The following BTBD9 variants were observed in gnomAD, a reference collection of about 807,000 sequenced individuals.
BTBD9 encodes the protein BTB/POZ domain-containing protein 9.
Under a neutral mutation model 64.3 loss-of-function variants are expected in BTBD9, and 49 were observed. The ratio of observed to expected loss-of-function variants is 0.76; its 90% CI spans 0.61 to 0.97. The LOEUF is 0.97. Ranked by LOEUF, BTBD9 falls within the 50% of genes least tolerant of loss-of-function variation. BTBD9 has a pLI of 0.00. For synonymous variants in BTBD9, 260 were observed against 274.7 expected, an observed-to-expected ratio of 0.95 and a Z score of 0.53; for missense variants, 598 against 762.1, an observed-to-expected ratio of 0.78 and a Z score of 2.53.
chr6:38,186,252 T>TTATTAC (rs1167675729), intron 10 of BTBD9, among the ~76,000 whole-genome samples: 1 of 152,168 alleles, frequency 6.6e-6, no homozygotes, highest in Non-Finnish European at 1.5e-5. Context: ...CTACTTCATA[T>TTATTAC]ATGAGGATTA....
At chr6:38,597,526 G>T (rs541250669) in intron 2 of BTBD9, among the ~76,000 whole-genome samples, 2 of 152,248 alleles carry the variant, frequency 1.3e-5, no homozygotes, top group South Asian at 4.1e-4. Flanking sequence ...TCAAACCAAG[G>T]GGTATATGTG....
At chr6:38,608,369 C>T (rs549845761) in intron 1 of BTBD9, among the ~76,000 whole-genome samples, 4 of 152,226 alleles carry the variant, frequency 2.6e-5, no homozygotes, top group East Asian at 3.9e-4. Context: ...TCATGATGAG[C>T]GCAGAGGTTA....
intron 1 of BTBD9, among the ~76,000 whole-genome samples, chr6:38,618,576 A>G (rs1777874432): frequency 6.6e-6 from 1 of 152,044 alleles, no homozygotes; most frequent in Admixed American, 6.6e-5. Context: ...AGGGACCACA[A>G]AACCCCCCAG....
chr6:38,485,052 C>A (rs977880255), intron 6 of BTBD9, among the ~76,000 whole-genome samples: 1 of 152,234 alleles, frequency 6.6e-6, no homozygotes, highest in Non-Finnish European at 1.5e-5. Flanking sequence ...AACCCTACTA[C>A]TGCTTTATCA....
chr6:38,233,658 C>G (rs1225162264), intron 9 of BTBD9, among the ~76,000 whole-genome samples: 1 of 152,154 alleles, frequency 6.6e-6, no homozygotes, highest in Non-Finnish European at 1.5e-5. Context: ...TAACAGGAAG[C>G]AATAGCCCTG....
intron 9 of BTBD9, among the ~76,000 whole-genome samples, chr6:38,202,080 T>A (rs1298181176): frequency 7.1e-6 from 1 of 140,076 alleles, no homozygotes; most frequent in Admixed American, 7.6e-5. Context: ...AATGTCGTTT[T>A]TTTTGTTTTT....
At chr6:38,513,675 TCA>T (rs1368444129) in intron 6 of BTBD9, among the ~76,000 whole-genome samples, 1 of 152,130 alleles carries the variant, frequency 6.6e-6, no homozygotes, top group African/African-American at 2.4e-5. Flanking sequence ...ATAGCTATTT[TCA>T]CAGTCTATTA....
At chr6:38,260,549 G>A (rs145220489) in intron 8 of BTBD9, among the ~76,000 whole-genome samples, 110 of 152,252 alleles carry the variant, frequency 7.2e-4, no homozygotes, top group African/African-American at 2.5e-3. Context: ...AAAAAAAGAA[G>A]GATAAATTAT....
At chr6:38,343,981 T>A (rs1764192572) in intron 7 of BTBD9, among the ~76,000 whole-genome samples, 1 of 152,224 alleles carries the variant, frequency 6.6e-6, no homozygotes, top group Non-Finnish European at 1.5e-5. Context: ...TATGGACATG[T>A]GTGCCAACAT....
chr6:38,402,914 A>G (rs1282400523), intron 6 of BTBD9: 2 of 672,836 alleles, frequency 3.0e-6, no homozygotes, highest in Admixed American at 4.5e-5. Flanking sequence ...CTAAAATTAG[A>G]AAAAAAAATT....
At chr6:38,348,357 A>T (rs894294526) in intron 6 of BTBD9, among the ~76,000 whole-genome samples, 1 of 152,216 alleles carries the variant, frequency 6.6e-6, no homozygotes, top group African/African-American at 2.4e-5. Context: ...TTGCCTTTTC[A>T]GCACAAGTCA....
chr6:38,616,183 C>A (rs1238112914), intron 1 of BTBD9, among the ~76,000 whole-genome samples: 1 of 152,120 alleles, frequency 6.6e-6, no homozygotes, highest in East Asian at 1.9e-4. Context: ...AAAGGAGGAT[C>A]TCAGTGGTAT....
intron 1 of BTBD9, among the ~76,000 whole-genome samples, chr6:38,635,393 C>T (rs772847132): frequency 6.6e-6 from 1 of 152,162 alleles, no homozygotes; most frequent in Non-Finnish European, 1.5e-5. Flanking sequence ...ACCTCAGCCT[C>T]CCAAAGTGCT....
intron 6 of BTBD9, among the ~76,000 whole-genome samples, chr6:38,405,454 GCATCA>G (rs1767120935): frequency 2.0e-5 from 3 of 152,150 alleles, no homozygotes; most frequent in Non-Finnish European, 2.9e-5. Context: ...CAGCAACTCT[GCATCA>G]GCACATAAAA....
chr6:38,476,805 G>A (rs993636531), intron 6 of BTBD9, among the ~76,000 whole-genome samples: 1 of 152,234 alleles, frequency 6.6e-6, no homozygotes, highest in African/African-American at 2.4e-5. Context: ...ATTCAGTATA[G>A]ACACATGGGA....
intron 6 of BTBD9, among the ~76,000 whole-genome samples, chr6:38,415,138 T>C (rs553189042): frequency 1.3e-5 from 2 of 152,246 alleles, no homozygotes; most frequent in African/African-American, 2.4e-5. Context: ...CTTTCGTAGG[T>C]AGCATAATGA....
rs539708009 is a variant in BTBD9 at position 38,607,477 on chromosome 6, G to A, written c.-27-9356C>T. On this transcript the variant is annotated intron_variant, in intron 1 of 10. Coordinates refer to ENST00000481247, the MANE Select transcript of BTBD9 (RefSeq NM_001099272.2). The stretch of plus-strand genomic sequence containing the variant: ...AAATTAGAAGCCTTTATAAACTGTA[G>A]TATTATGCTAATGTGGGTTTATGTA... Among the ~76,000 whole-genome samples, 7 of 152,198 alleles carry A rather than the reference G, an allele frequency of 4.6e-5. No individual in the cohort carries two copies. In the East Asian group the frequency reaches 1.4e-3, roughly 29 times the overall value.
intron 9 of BTBD9, among the ~76,000 whole-genome samples, chr6:38,245,160 A>G (rs1186031614): frequency 6.6e-6 from 1 of 152,254 alleles, no homozygotes; most frequent in East Asian, 1.9e-4. Context: ...AAGAGTGAGT[A>G]AAACACCAAA....
intron 6 of BTBD9, among the ~76,000 whole-genome samples, chr6:38,416,525 T>A (rs1230889884): frequency 5.8e-5 from 5 of 86,918 alleles, no homozygotes; most frequent in Non-Finnish European, 1.2e-4. Context: ...TTTTTTTTTT[T>A]AGTACAGACA....
Sources: gnomAD v4.1 joint callset for allele counts (sites outside exome capture counted in the v4.1 genomes callset) on GRCh38, gnomAD v4.1.1 for gene constraint, MANE v1.5 for transcripts, NCBI Gene and HGNC (gene_info 2026-07-23, HGNC 2026-07-21) for gene names.